The following TMPRSS7 variants were observed in gnomAD, a reference collection of about 807,000 sequenced individuals.
The protein encoded by TMPRSS7 is transmembrane serine protease 7.
Under a neutral mutation model 95.6 loss-of-function variants are expected in TMPRSS7, and 81 were observed. The ratio of observed to expected loss-of-function variants is 0.85; its 90% CI spans 0.71 to 1.02. TMPRSS7 has a LOEUF of 1.02. Among genes scored for constraint, TMPRSS7 ranks in the 50% least tolerant of loss-of-function variants. The pLI is 0.00. For synonymous variants in TMPRSS7, 364 were observed against 337.8 expected (o/e 1.08, Z -0.85); for missense variants, 945 against 955.2 (o/e 0.99, Z 0.14).
chr3:112,080,848 C>G, intron 17 of TMPRSS7, 66 bp from the exon 18 acceptor site: 1 of 1,491,300 alleles, frequency 6.7e-7, no homozygotes, highest in Non-Finnish European at 9.1e-7. Flanking sequence ...TCATTAGATA[C>G]AATAAAGATG....
intron 8 of TMPRSS7, 147 bp from the exon 9 acceptor site, chr3:112,050,524 A>AAAAAAAAAAAAAAAAAC: frequency 3.0e-6 from 1 of 332,576 alleles, no homozygotes; most frequent in South Asian, 8.4e-5. Context: ...TTTCTTCTGA[A>AAAAAAAAAAAAAAAAAC]AAAAAAAAAA....
chr3:112,057,915 G>A (rs2107749556), intron 10 of TMPRSS7, among the ~76,000 whole-genome samples: 1 of 152,082 alleles, frequency 6.6e-6, no homozygotes, highest in Non-Finnish European at 1.5e-5. Context: ...TAGTAGAGAT[G>A]GGGTTTTGCC....
intron 13 of TMPRSS7, among the ~76,000 whole-genome samples, chr3:112,071,255 A>G (rs2073642454): frequency 6.6e-6 from 1 of 152,154 alleles, no homozygotes; most frequent in East Asian, 1.9e-4. Context: ...CTTTTCTTTA[A>G]GAATGTTGAA....
intron 4 of TMPRSS7, 26 bp downstream of exon 4, chr3:112,044,348 T>G: frequency 6.5e-7 from 1 of 1,536,102 alleles, no homozygotes; most frequent in Middle Eastern, 1.7e-4. Flanking sequence ...TGTTTTGAGA[T>G]TTCTGTGTTC....
chr3:112,046,056 C>A, intron 5 of TMPRSS7, 113 bp downstream of exon 5: 1 of 921,046 alleles, frequency 1.1e-6, no homozygotes, highest in Non-Finnish European at 1.6e-6. Flanking sequence ...ACCCCACAAT[C>A]CCAGTGGCGC....
At position 112,076,270 on chromosome 3, in the gene TMPRSS7, C is replaced by G. The variant is rs543661349; in HGVS notation, c.1956-606C>G. ...ACGCTTCACATGGAGATTACAAGTT[C>G]TTCTGTGACTTGTGCAAGGTCATGG... is the stretch of plus-strand genomic sequence containing the variant. On this transcript the variant is annotated intron_variant, in intron 15 of 17. Coordinates refer to ENST00000452346, the Ensembl canonical transcript of TMPRSS7. 3.9e-5 allele frequency among the ~76,000 whole-genome samples: 6 copies of G among 152,220 alleles called. No homozygotes were observed. The East Asian group carries it at 9.6e-4, about 24-fold the overall frequency.
At chr3:112,078,684 C>G (rs2073741320) in intron 16 of TMPRSS7, 58 bp from the exon 17 acceptor site, 1 of 1,605,270 alleles carries the variant, frequency 6.2e-7, no homozygotes, top group East Asian at 2.2e-5. Context: ...CAAATGAAGT[C>G]CTGAATACAT....
At chr3:112,049,805 G>T in intron 7 of TMPRSS7, 39 bp from the exon 8 acceptor site, 2 of 1,471,264 alleles carry the variant, frequency 1.4e-6, no homozygotes, top group Non-Finnish European at 9.1e-7. Flanking sequence ...CTCAAATAAC[G>T]TATTATTCAT....
chr3:112,057,216 G>A (rs1052504199), intron 10 of TMPRSS7, 85 bp downstream of exon 10: 19 of 997,112 alleles, frequency 1.9e-5, no homozygotes, highest in African/African-American at 4.9e-5. Context: ...AAGAGTTTGC[G>A]CTTTACCATT....
chr3:112,070,938 C>T (rs1314728556), intron 13 of TMPRSS7, among the ~76,000 whole-genome samples: 1 of 152,192 alleles, frequency 6.6e-6, no homozygotes, highest in African/African-American at 2.4e-5. Context: ...GCATTTAGCC[C>T]ATTTACATTT....
At chr3:112,078,847 G>T in exon 17 of TMPRSS7, 1 of 1,614,016 alleles carries the variant, frequency 6.2e-7, no homozygotes, top group Non-Finnish European at 8.5e-7. Flanking sequence ...CTCTGTGCAG[G>T]CATAATGTCA....
In TMPRSS7 at chr3:112,073,395, G is replaced by A. The variant is rs4682082; in HGVS notation, c.1667-901G>A. On this transcript the variant is annotated intron_variant, in intron 13 of 17. Coordinates refer to ENST00000452346, the Ensembl canonical transcript of TMPRSS7. The stretch of plus-strand genomic sequence containing the variant: ...AGGCAGGAGCCACCTGTAATTACGC[G>A]CCTGGCCTTTTCTAGACTTTTTAAT... Among the ~76,000 whole-genome samples the A allele has an allele frequency of 3.4e-3, 519 of 152,094 alleles. 5 individuals carry two copies. The highest frequency in any genetic ancestry group is 0.017 in the Admixed American group (256 of 15,280).
At chr3:112,052,088 C>T (rs578062847) in intron 9 of TMPRSS7, among the ~76,000 whole-genome samples, 2 of 150,978 alleles carry the variant, frequency 1.3e-5, no homozygotes, top group Non-Finnish European at 2.9e-5. Flanking sequence ...GTTAAATACG[C>T]GTAATATGTC....
rs56259975 is a variant in TMPRSS7, at chr3:112,076,053, C to G, written c.1955+561C>G. ...GGATTTGTGTTAATTATTAAGATAG[C>G]TTCACATCTGTTTGATCATGAGTCT... On this transcript the variant is annotated intron_variant, in intron 15 of 17. Transcript: ENST00000452346. Among the ~76,000 whole-genome samples the G allele has an allele frequency of 3.0e-3, 450 of 152,202 alleles. 3 individuals carry two copies. Among genetic ancestry groups the G allele is most frequent in the Middle Eastern group, 0.01 (3 of 294 alleles).
chr3:112,035,851 A>G (rs1409211672), intron 1 of TMPRSS7, among the ~76,000 whole-genome samples: 1 of 152,252 alleles, frequency 6.6e-6, no homozygotes, highest in Non-Finnish European at 1.5e-5. Flanking sequence ...TATGCACATC[A>G]ATACACTTAA....
rs180747810 is a variant in TMPRSS7, at chr3:112,080,544, C to T, written c.2362-370C>T. On this transcript the variant is annotated intron_variant, in intron 17 of 17. Transcript: ENST00000452346. Reference sequence around the variant, plus strand: ...TTAGCCCTCACTACTACTACTACTACTACCACCACTACTACTACTACTACT... The same window carrying T: ...TTAGCCCTCACTACTACTACTACTATTACCACCACTACTACTACTACTACT... 4.3e-3 allele frequency among the ~76,000 whole-genome samples: 542 copies of T among 125,162 alleles called. 1 individual carries two copies. Among genetic ancestry groups the T allele is most frequent in the South Asian group, 0.024 (82 of 3,436 alleles). 82.1% of individuals were successfully genotyped at this position (125,162 alleles called of 152,430 possible). A position where few individuals can be genotyped will look rare whatever the true frequency, so the allele number is the denominator to read the frequency against.
At chr3:112,075,148 G>T (rs1459611856) in intron 14 of TMPRSS7, among the ~76,000 whole-genome samples, 173 bp from the exon 15 acceptor site, 1 of 152,210 alleles carries the variant, frequency 6.6e-6, no homozygotes, top group African/African-American at 2.4e-5. Flanking sequence ...AGGAAGGAGG[G>T]AGTGGTTTGT....
intron 8 of TMPRSS7, 28 bp from the exon 9 acceptor site, chr3:112,050,643 A>C (rs2073335306): frequency 1.5e-6 from 2 of 1,322,002 alleles, no homozygotes; most frequent in East Asian, 5.0e-5. Context: ...GCTGCAAATC[A>C]TTGTGTGTCA....
intron 13 of TMPRSS7, among the ~76,000 whole-genome samples, chr3:112,069,009 T>C (rs774298667): frequency 2.0e-5 from 3 of 152,334 alleles, no homozygotes; most frequent in East Asian, 1.9e-4. Flanking sequence ...CAATACCTAG[T>C]TCATTGATAG....
Sources: gnomAD v4.1 joint callset for allele counts (sites outside exome capture counted in the v4.1 genomes callset) on GRCh38, gnomAD v4.1.1 for gene constraint, MANE v1.5 for transcripts, NCBI Gene and HGNC (gene_info 2026-07-23, HGNC 2026-07-21) for gene names.